DTNA: variants seen among roughly 807,000 people sequenced by gnomAD.
The protein encoded by DTNA is dystrobrevin alpha, also known as dystrophin-related protein 3.
A neutral mutation model predicts 100.7 loss-of-function variants in DTNA; 43 were observed. The observed-to-expected ratio is 0.43, with a 90% CI of 0.33 to 0.55. The LOEUF (loss-of-function observed/expected upper bound fraction) is 0.55. DTNA is among the 20% of genes least tolerant of loss of function. The probability of loss-of-function intolerance (pLI) is 0.04; values close to 1 mark genes in which losing one functional copy is unlikely to be tolerated. For missense variants in DTNA, 798 were observed against 953.9 expected, an observed-to-expected ratio of 0.84 and a Z score of 2.15; for synonymous variants, 349 against 347.9, an observed-to-expected ratio of 1.00 and a Z score of -0.04.
At chr18:34,773,753 C>G (rs986116984) in intron 3 of DTNA, among the ~76,000 whole-genome samples, 3 of 152,250 alleles carry the variant, frequency 2.0e-5, no homozygotes, top group African/African-American at 7.2e-5. Flanking sequence ...GCACCCTGGA[C>G]CTATGGCAAA....
chr18:34,699,471 A>G (rs1360035843), intron 1 of DTNA, among the ~76,000 whole-genome samples: 2 of 152,212 alleles, frequency 1.3e-5, no homozygotes. Flanking sequence ...ACCAATTCAA[A>G]TATTAATCTC....
intron 17 of DTNA, among the ~76,000 whole-genome samples, chr18:34,874,650 C>T (rs2096797541): frequency 6.6e-6 from 1 of 152,192 alleles, no homozygotes; most frequent in South Asian, 2.1e-4. Context: ...TCTTCTTCTT[C>T]TTCCCCATTG....
chr18:34,553,525 A>G (rs1319033368), intron 1 of DTNA, among the ~76,000 whole-genome samples: 1 of 152,082 alleles, frequency 6.6e-6, no homozygotes, highest in East Asian at 1.9e-4. Context: ...CTAACGATTA[A>G]GTCTTTAATC....
chr18:34,822,909 T>C (rs1362171836), intron 9 of DTNA, among the ~76,000 whole-genome samples: 1 of 152,220 alleles, frequency 6.6e-6, no homozygotes, highest in Non-Finnish European at 1.5e-5. Context: ...AAAATACTGA[T>C]CTCTACTCAC....
intron 1 of DTNA, among the ~76,000 whole-genome samples, chr18:34,624,978 C>T (rs1291296493): frequency 1.3e-5 from 2 of 152,062 alleles, no homozygotes; most frequent in Non-Finnish European, 2.9e-5. Flanking sequence ...AAGCGATTCT[C>T]CTGCCTCAGC....
At chr18:34,604,975 C>A (rs1346257167) in intron 1 of DTNA, among the ~76,000 whole-genome samples, 1 of 151,930 alleles carries the variant, frequency 6.6e-6, no homozygotes, top group Non-Finnish European at 1.5e-5. Context: ...TCTTGAAGGT[C>A]ATTCATATAT....
intron 14 of DTNA, among the ~76,000 whole-genome samples, chr18:34,849,771 C>T (rs2096447975): frequency 6.6e-6 from 1 of 152,352 alleles, no homozygotes; most frequent in East Asian, 1.9e-4. Flanking sequence ...TTCCTTCTGA[C>T]AGCAGGCAGC....
chr18:34,670,384 G>A (rs988227003), intron 1 of DTNA, among the ~76,000 whole-genome samples: 3 of 152,108 alleles, frequency 2.0e-5, no homozygotes, highest in Admixed American at 6.6e-5. Flanking sequence ...CCTTTAGCTC[G>A]GAGAAGTTTG....
At chr18:34,864,275 G>T (rs1458491869) in intron 17 of DTNA, among the ~76,000 whole-genome samples, 2 of 144,328 alleles carry the variant, frequency 1.4e-5, no homozygotes, top group Admixed American at 1.4e-4. Context: ...TTTTGAGACG[G>T]AGTCTTGCTC....
At position 34,812,047 on chromosome 18, in the gene DTNA, G is replaced by A. The variant is rs11877640; in HGVS notation, c.537G>A (p.Thr179=). ...TTCGGGAAGTTCTCAAACTACCCAC[G>A]GCAGTTTTTGAAGGTCCTTCATTTG... is the stretch of plus-strand genomic sequence containing the variant. ...QFLREVLKLP[T]AVFEGPSFGY... The change falls in exon 6 of 23, where the codon ACG becomes ACA. Residue 179 remains threonine (T), a synonymous_variant. Coordinates refer to ENST00000444659, the MANE Select transcript of DTNA (RefSeq NM_001386795.1). The A allele has an allele frequency of 4.1e-5, 66 of 1,613,918 alleles. No homozygotes were observed. The Middle Eastern group carries it at 4.9e-4, about 12-fold the overall frequency.
chr18:34,777,258 G>A (rs2094108229), intron 3 of DTNA, among the ~76,000 whole-genome samples: 1 of 152,154 alleles, frequency 6.6e-6, no homozygotes, highest in African/African-American at 2.4e-5. Context: ...CATTATAAGT[G>A]TTCAAAAAAT....
chr18:34,521,447 C>G (rs1027636779), intron 1 of DTNA, among the ~76,000 whole-genome samples: 1 of 152,146 alleles, frequency 6.6e-6, no homozygotes, highest in Admixed American at 6.6e-5. Context: ...AAGTATAAAT[C>G]AGAGGTAATA....
intron 1 of DTNA, among the ~76,000 whole-genome samples, chr18:34,631,253 G>A (rs772865285): frequency 5.3e-5 from 8 of 152,118 alleles, no homozygotes; most frequent in Non-Finnish European, 1.2e-4. Context: ...TATGGCTTGA[G>A]GATAATAAAA....
At chr18:34,638,883 C>G (rs1263804101) in intron 1 of DTNA, among the ~76,000 whole-genome samples, 2 of 152,020 alleles carry the variant, frequency 1.3e-5, no homozygotes, top group African/African-American at 4.8e-5. Flanking sequence ...CTCTTGCTGC[C>G]CAGGCTGGAG....
chr18:34,673,284 T>A (rs971828866), intron 1 of DTNA, among the ~76,000 whole-genome samples: 1 of 151,914 alleles, frequency 6.6e-6, no homozygotes, highest in Admixed American at 6.6e-5. Flanking sequence ...TATTATTATT[T>A]TTTCTCTATA....
intron 11 of DTNA, among the ~76,000 whole-genome samples, chr18:34,831,967 T>C (rs1358763875): frequency 6.6e-6 from 1 of 152,200 alleles, no homozygotes; most frequent in Non-Finnish European, 1.5e-5. Context: ...GCCTTTTTCA[T>C]TTTTAAAAAA....
At chr18:34,824,988 C>T (rs900249101) in intron 9 of DTNA, among the ~76,000 whole-genome samples, 1 of 148,822 alleles carries the variant, frequency 6.7e-6, no homozygotes, top group East Asian at 2.0e-4. Flanking sequence ...GGTTGCGGTA[C>T]TAATACACAC....
At chr18:34,538,095 G>T (rs1227383326) in intron 1 of DTNA, among the ~76,000 whole-genome samples, 1 of 152,074 alleles carries the variant, frequency 6.6e-6, no homozygotes, top group African/African-American at 2.4e-5. Context: ...GCTCTATGCT[G>T]TTTAATAAGA....
intron 3 of DTNA, among the ~76,000 whole-genome samples, chr18:34,769,061 T>C (rs1457193250): frequency 6.6e-6 from 1 of 152,150 alleles, no homozygotes; most frequent in African/African-American, 2.4e-5. Flanking sequence ...GAAAAGATAT[T>C]ACATTCTACA....
Sources: gnomAD v4.1 joint callset for allele counts (sites outside exome capture counted in the v4.1 genomes callset) on GRCh38, gnomAD v4.1.1 for gene constraint, MANE v1.5 for transcripts, NCBI Gene and HGNC (gene_info 2026-07-23, HGNC 2026-07-21) for gene names.